RBM34: variants seen among roughly 807,000 people sequenced by gnomAD.
RBM34 encodes the protein RNA binding motif protein 34, also known as RNA-binding protein 34.
Under a neutral mutation model 44.6 loss-of-function variants are expected in RBM34, and 39 were observed. The ratio of observed to expected loss-of-function variants is 0.87; its 90% CI spans 0.68 to 1.14. The LOEUF is 1.14. RBM34 is among the 50% of genes most tolerant of loss of function. RBM34 has a pLI of 0.00. For missense variants in RBM34, 572 were observed against 517.9 expected (o/e 1.10, Z -1.01); for synonymous variants, 194 against 184.0 (o/e 1.05, Z -0.44).
intron 3 of RBM34, 62 bp from the exon 4 acceptor site, chr1:235,155,174 C>A: frequency 7.7e-7 from 1 of 1,293,618 alleles, no homozygotes; most frequent in Non-Finnish European, 1.1e-6. Flanking sequence ...TAGTATTTGA[C>A]AAAGCACAGC....
rs1377634051 is a variant in RBM34, at chr1:235,140,556, C to G, written c.702-2382G>C. 3.9e-5 allele frequency among the ~76,000 whole-genome samples: 6 copies of G among 152,348 alleles called. No individual in the cohort carries two copies. The East Asian group carries it at 1.2e-3, about 29-fold the overall frequency. On this transcript the variant is annotated intron_variant, in intron 6 of 10. Transcript: ENST00000408888. ...AGGGCAGGGTTCGGGACCTGCAGCCCGCTATGCCTGAGCCTCCCACCCCCT... is the reference window on the plus strand; with the variant it reads ...AGGGCAGGGTTCGGGACCTGCAGCCGGCTATGCCTGAGCCTCCCACCCCCT...
At chr1:235,136,997 C>T (rs1051418409) in intron 8 of RBM34, among the ~76,000 whole-genome samples, 1 of 152,100 alleles carries the variant, frequency 6.6e-6, no homozygotes, top group African/African-American at 2.4e-5. Flanking sequence ...TCTTTTTTCC[C>T]CCCGCTTCTC....
At chr1:235,134,212 C>T (rs753832793) in intron 10 of RBM34, among the ~76,000 whole-genome samples, 1 of 152,012 alleles carries the variant, frequency 6.6e-6, no homozygotes, top group Non-Finnish European at 1.5e-5. Flanking sequence ...TTTGTAGAGG[C>T]GGGATTTCGC....
chr1:235,159,547 C>CAAA (rs1184312990), intron 3 of RBM34, among the ~76,000 whole-genome samples: 2 of 89,874 alleles, frequency 2.2e-5, no homozygotes, highest in South Asian at 3.6e-4. Flanking sequence ...GACTCCAGCT[C>CAAA]AAAAAAAAAA....
At position 235,160,498 on chromosome 1, in the gene RBM34, G is replaced by T. The variant is rs374188703; in HGVS notation, c.365+13C>A. 2 of 1,606,600 alleles carry T rather than the reference G, an allele frequency of 1.2e-6. No individual in the cohort carries two copies. The highest frequency in any genetic ancestry group is 8.5e-7 in the Non-Finnish European group (1 of 1,177,400). ...CTAATTTCTTTAACATCAAATAAGA[G>T]AATTTTACCAACCTGTCTGCCAACT... On this transcript the variant is annotated intron_variant, in intron 3 of 10. Coordinates refer to ENST00000408888, the MANE Select transcript of RBM34 (RefSeq NM_015014.4).
At chr1:235,155,848 TATATATATATATATATATAC>T (rs1662405817) in intron 3 of RBM34, among the ~76,000 whole-genome samples, 4 of 28,924 alleles carry the variant, frequency 1.4e-4, no homozygotes, top group East Asian at 9.0e-4. Context: ...TATATATATA[TATATATATATATATATATAC>T]ATATATACTT....
At chr1:235,135,534 T>C in intron 10 of RBM34, 118 bp downstream of exon 10, 2 of 937,168 alleles carry the variant, frequency 2.1e-6, no homozygotes, top group South Asian at 2.9e-5. Context: ...TAGCCCAGTT[T>C]TCTTAAGATG....
chr1:235,143,786 C>G lies in RBM34; in HGVS notation c.701+4618G>C, dbSNP rs539559307. On this transcript the variant is annotated intron_variant, in intron 6 of 10. Transcript: ENST00000408888. ...ACAATACATCACAATAAATACAACA[C>G]AACACAATAAACAGGTGAATGGATA... is the stretch of plus-strand genomic sequence containing the variant. 7.5e-4 allele frequency among the ~76,000 whole-genome samples: 114 copies of G among 152,198 alleles called. 1 individual carries two copies. Among genetic ancestry groups the G allele is most frequent in the African/African-American group, 2.6e-3 (108 of 41,544 alleles).
chr1:235,132,258 C>T (rs75550624), intron 10 of RBM34, among the ~76,000 whole-genome samples: 148 of 150,578 alleles, frequency 9.8e-4, no homozygotes, highest in African/African-American at 3.4e-3. Flanking sequence ...TTTTTTTTTT[C>T]ATTGTAAAAT....
chr1:235,144,384 T>TA (rs1558142259), intron 6 of RBM34, among the ~76,000 whole-genome samples: 1 of 151,578 alleles, frequency 6.6e-6, no homozygotes, highest in African/African-American at 2.4e-5. Flanking sequence ...CTCGAGATGA[T>TA]AAAGTGTTTG....
chr1:235,133,438 C>CT (rs1255451010), intron 10 of RBM34, among the ~76,000 whole-genome samples: 1 of 152,180 alleles, frequency 6.6e-6, no homozygotes, highest in Non-Finnish European at 1.5e-5. Context: ...AGTATAAACT[C>CT]TGTTATATCA....
chr1:235,147,954 CCT>C (rs888692145), intron 6 of RBM34, among the ~76,000 whole-genome samples: 10 of 151,938 alleles, frequency 6.6e-5, no homozygotes, highest in Non-Finnish European at 1.0e-4. Context: ...AAAAAAATCC[CCT>C]GAGCACTGGT....
At chr1:235,141,180 G>A (rs922606064) in intron 6 of RBM34, among the ~76,000 whole-genome samples, 7 of 151,618 alleles carry the variant, frequency 4.6e-5, no homozygotes, top group African/African-American at 1.5e-4. Flanking sequence ...TGCACCAATC[G>A]ACACTCTGTA....
intron 2 of RBM34, 104 bp downstream of exon 2, chr1:235,160,789 T>C (rs1662677559): frequency 3.9e-6 from 6 of 1,527,654 alleles, no homozygotes; most frequent in Non-Finnish European, 5.3e-6. Context: ...AAATGAATCC[T>C]GTCTGCCCCC....
chr1:235,141,610 T>C (rs967504849), intron 6 of RBM34, among the ~76,000 whole-genome samples: 1 of 152,118 alleles, frequency 6.6e-6, no homozygotes, highest in Admixed American at 6.5e-5. Flanking sequence ...CTTTGTCCTT[T>C]CACTCTTTGC....
chr1:235,140,421 G>A (rs188995493), intron 6 of RBM34, among the ~76,000 whole-genome samples: 13 of 152,336 alleles, frequency 8.5e-5, no homozygotes, highest in African/African-American at 7.2e-5. Context: ...CGGGCAGTGA[G>A]GGGCTTAGCA....
At chr1:235,143,112 A>G (rs1416467682) in intron 6 of RBM34, among the ~76,000 whole-genome samples, 3 of 152,210 alleles carry the variant, frequency 2.0e-5, no homozygotes, top group African/African-American at 7.2e-5. Context: ...ACATTTCACC[A>G]AAGAATAGAT....
intron 6 of RBM34, among the ~76,000 whole-genome samples, chr1:235,139,910 A>T (rs1572147336): frequency 6.6e-6 from 1 of 152,166 alleles, no homozygotes; most frequent in East Asian, 1.9e-4. Context: ...AAAACACTAG[A>T]GCTCAGCGTG....
At chr1:235,159,212 CA>C (rs1352095926) in intron 3 of RBM34, among the ~76,000 whole-genome samples, 2,812 of 84,530 alleles carry the variant, frequency 0.033, 56 homozygotes, top group African/African-American at 0.09. Flanking sequence ...GACCTTGTCT[CA>C]AAAAAAAAAA....
Sources: gnomAD v4.1 joint callset for allele counts (sites outside exome capture counted in the v4.1 genomes callset) on GRCh38, gnomAD v4.1.1 for gene constraint, MANE v1.5 for transcripts, NCBI Gene and HGNC (gene_info 2026-07-23, HGNC 2026-07-21) for gene names.